The following SNPH variants were observed in gnomAD, a reference collection of about 807,000 sequenced individuals.
The protein encoded by SNPH is syntaphilin.
In SNPH, 10 loss-of-function variants were observed where a neutral mutation model predicts 36.8. The observed-to-expected ratio is 0.27, with a 90% CI of 0.17 to 0.46. SNPH has a LOEUF of 0.46. Among genes scored for constraint, SNPH ranks in the 20% least tolerant of loss-of-function variants. The pLI is 1.00. For missense variants in SNPH, 622 were observed against 744.0 expected (o/e 0.84, Z 1.91); for synonymous variants, 281 against 312.2 (o/e 0.90, Z 1.05).
In SNPH at chr20:1,307,429, A is replaced by G. The variant is rs570496810; in HGVS notation, c.*1375A>G. ...CCCCAGCCACGCTGCTGACATTACCATTATTATTTTACCAAGTAAACTCAC... is the reference window on the plus strand; with the variant it reads ...CCCCAGCCACGCTGCTGACATTACCGTTATTATTTTACCAAGTAAACTCAC... On this transcript the variant is annotated 3_prime_UTR_variant, in exon 7 of 7. Transcript: ENST00000381867. The G allele has an allele frequency of 6.6e-6, 1 of 152,284 alleles. No homozygotes were observed. The highest frequency in any genetic ancestry group is 1.5e-5 in the Non-Finnish European group (1 of 68,046). 9.4% of individuals were successfully genotyped at this position (152,284 alleles called of 1,614,324 possible).
intron 2 of SNPH, among the ~76,000 whole-genome samples, chr20:1,282,573 AAAACTGG>A (rs1412765057): frequency 6.6e-6 from 1 of 152,258 alleles, no homozygotes; most frequent in Non-Finnish European, 1.5e-5. Context: ...TTTGAGTAGC[AAAACTGG>A]AACTGGAAGG....
rs1225001630 is a variant in SNPH, at chr20:1,308,851, G to C, written c.*2797G>C. 1 of 152,292 alleles carries C rather than the reference G, an allele frequency of 6.6e-6. No homozygotes were observed. The highest frequency in any genetic ancestry group is 1.5e-5 in the Non-Finnish European group (1 of 68,094). 9.4% of individuals were successfully genotyped at this position (152,292 alleles called of 1,614,324 possible). A position where few individuals can be genotyped will look rare whatever the true frequency, so the allele number is the denominator to read the frequency against. ...CTAGCGGCCAGACGTGGCTTCTCCTGAGTTCTAGGGCTCGGGCCAGAGTGG... is the reference window on the plus strand; with the variant it reads ...CTAGCGGCCAGACGTGGCTTCTCCTCAGTTCTAGGGCTCGGGCCAGAGTGG... On this transcript the variant is annotated 3_prime_UTR_variant, in exon 7 of 7. Transcript: ENST00000381867.
In SNPH at chr20:1,297,219, C is replaced by G; in HGVS notation, c.257C>G (p.Ser86Cys). 6.2e-7 allele frequency: 1 copy of G among 1,613,888 alleles called. No individual in the cohort carries two copies. The highest frequency in any genetic ancestry group is 1.1e-5 in the South Asian group (1 of 91,060). ...CTCAGCAGCAGCAGCAATTCTGGCT[C>G]CTACAAGGGCAGTGACAGCAGTCCC... ...SSLSSSSNSGSYKGSDSSPTP... is the reference protein window; with the variant it reads ...SSLSSSSNSGCYKGSDSSPTP... The change falls in exon 5 of 7, where the codon TCC (serine) becomes TGC (cysteine). Residue 86 changes from serine (S) to cysteine (C), a missense_variant. By Grantham distance (112) the Ser-to-Cys change is moderately radical. Transcript: ENST00000381867.
chr20:1,294,985 A>C lies in SNPH; in HGVS notation c.-465+7A>C, dbSNP rs948392449. ...GAGGAGTCAATGGCATAATGTACGTAGCGTGGTTGGCACGAGGTCTGGTGT... is the reference window on the plus strand; with the variant it reads ...GAGGAGTCAATGGCATAATGTACGTCGCGTGGTTGGCACGAGGTCTGGTGT... On this transcript the variant is annotated splice_region_variant and intron_variant, in intron 3 of 6. Transcript: ENST00000381867. The surrounding 1 kb of genome is among the most constrained non-coding windows in gnomAD (Gnocchi z 4.4). 6.6e-6 allele frequency: 1 copy of C among 152,570 alleles called. No individual in the cohort carries two copies. The highest frequency in any genetic ancestry group is 2.4e-5 in the African/African-American group (1 of 41,362). The allele number at this position is 152,570 out of a possible 1,614,324, so 9.5% of individuals were successfully genotyped here.
At chr20:1,298,232 A>G (rs982060095) in intron 5 of SNPH, among the ~76,000 whole-genome samples, 1 of 152,210 alleles carries the variant, frequency 6.6e-6, no homozygotes, top group African/African-American at 2.4e-5. Context: ...GTGACTTGAT[A>G]TCTACACACC....
In SNPH at chr20:1,300,728, G is replaced by A. The variant is rs763785789; in HGVS notation, c.440+17G>A. 29 of 1,602,988 alleles carry A rather than the reference G, an allele frequency of 1.8e-5. No individual in the cohort carries two copies. The East Asian group carries it at 4.7e-4, about 26-fold the overall frequency. ...CCAGGACCGGTGAGCGGGTGGCCACGAGCAGCCCTGGGGGTACCCCACCAG... is the reference window on the plus strand; with the variant it reads ...CCAGGACCGGTGAGCGGGTGGCCACAAGCAGCCCTGGGGGTACCCCACCAG... On this transcript the variant is annotated intron_variant, in intron 6 of 6. Transcript: ENST00000381867.
Position 1,305,640 on chromosome 20 carries a change from G to T in SNPH, c.1203G>T (p.Gly401=), listed in dbSNP as rs752082424. The change falls in exon 7 of 7, where the codon GGG becomes GGT. Residue 401 remains glycine (G), a synonymous_variant. Coordinates refer to ENST00000381867, the MANE Select transcript of SNPH (RefSeq NM_001318234.2). The stretch of plus-strand genomic sequence containing the variant: ...CAGAGCTGGATGCCCACCCTTCAGG[G>T]CCCAGAGACCCCAACTCAGCAGTGG... ...RCPELDAHPS[G]PRDPNSAVVV... 1 of 1,613,434 alleles carries T rather than the reference G, an allele frequency of 6.2e-7. No individual in the cohort carries two copies. Among genetic ancestry groups the T allele is most frequent in the Non-Finnish European group, 8.5e-7 (1 of 1,179,980 alleles).
In SNPH at chr20:1,300,701, C is replaced by A. The variant is rs1272176057; in HGVS notation, c.430C>A (p.Leu144Ile). The A allele has an allele frequency of 6.2e-7, 1 of 1,611,150 alleles. No homozygotes were observed. The highest frequency in any genetic ancestry group is 8.5e-7 in the Non-Finnish European group (1 of 1,179,562). Reference sequence around the variant, plus strand: ...CCGGCTGAAGGACACACAGGACCGGCTCCAGGACCGGTGAGCGGGTGGCCA... The same window carrying A: ...CCGGCTGAAGGACACACAGGACCGGATCCAGGACCGGTGAGCGGGTGGCCA... ...KARLKDTQDRLQDRDTEIDDL... is the reference protein window; with the variant it reads ...KARLKDTQDRIQDRDTEIDDL... The change falls in exon 6 of 7, where the codon CTC (leucine) becomes ATC (isoleucine). Residue 144 changes from leucine to isoleucine, a missense_variant. Physicochemically the swap from Leu to Ile is conservative, Grantham distance 5. Transcript: ENST00000381867.
chr20:1,269,861 G>A (rs190506377), intron 2 of SNPH, among the ~76,000 whole-genome samples: 1 of 152,208 alleles, frequency 6.6e-6, no homozygotes, highest in South Asian at 2.1e-4. Flanking sequence ...ATCCCATTAT[G>A]TAGGCACTAT....
chr20:1,277,539 GTGTC>G (rs571311455), intron 2 of SNPH, among the ~76,000 whole-genome samples: 2,789 of 105,482 alleles, frequency 0.026, 51 homozygotes, highest in Non-Finnish European at 0.035. Flanking sequence ...CTGTGCATGT[GTGTC>G]TGTGTGTGTA....
intron 6 of SNPH, among the ~76,000 whole-genome samples, chr20:1,303,376 G>C (rs1381083440): frequency 2.6e-5 from 4 of 152,254 alleles, no homozygotes; most frequent in African/African-American, 9.6e-5. Flanking sequence ...CCCAAGGAGA[G>C]AGAGGCAGAG....
chr20:1,292,405 C>T (rs2088373727), intron 2 of SNPH, among the ~76,000 whole-genome samples: 1 of 152,208 alleles, frequency 6.6e-6, no homozygotes, highest in Non-Finnish European at 1.5e-5. Flanking sequence ...CTTAAGCACC[C>T]ACATCAAGAG....
intron 2 of SNPH, among the ~76,000 whole-genome samples, chr20:1,281,680 C>G (rs765450417): frequency 6.6e-6 from 1 of 152,246 alleles, no homozygotes; most frequent in Non-Finnish European, 1.5e-5. Flanking sequence ...GAGCTCTGCT[C>G]AAGGGCACCA....
intron 2 of SNPH, among the ~76,000 whole-genome samples, chr20:1,268,681 G>T (rs959363937): frequency 7.4e-6 from 1 of 135,834 alleles, no homozygotes; most frequent in Non-Finnish European, 1.5e-5. Context: ...TCCAGCCTCT[G>T]GCCCATGAGT....
At chr20:1,284,697 G>A (rs2088263745) in intron 2 of SNPH, among the ~76,000 whole-genome samples, 1 of 152,114 alleles carries the variant, frequency 6.6e-6, no homozygotes. Context: ...AACAGCATGT[G>A]CAGAGGCCCT....
intron 6 of SNPH, among the ~76,000 whole-genome samples, chr20:1,301,422 C>T (rs1568550390): frequency 6.6e-6 from 1 of 152,184 alleles, no homozygotes; most frequent in Non-Finnish European, 1.5e-5. Context: ...TGCAAACATG[C>T]AGCCTATTGT....
rs150545078 is a variant in SNPH, at chr20:1,305,385, C to T, written c.948C>T (p.Thr316=). The T allele has an allele frequency of 7.4e-6, 12 of 1,612,862 alleles. No individual in the cohort carries two copies. Among genetic ancestry groups the T allele is most frequent in the African/African-American group, 1.3e-5 (1 of 75,072 alleles). ...TGTCGTCGGGGGTGGACTGTGGCAC[C>T]GAGGAGACCTCGCTGCACAGCTCCT... The part of the protein sequence containing the change: ...SLLSSGVDCG[T]EETSLHSSFG... The change falls in exon 7 of 7, where the codon ACC becomes ACT. Residue 316 remains threonine, a synonymous_variant. Coordinates refer to ENST00000381867, the MANE Select transcript of SNPH (RefSeq NM_001318234.2).
At chr20:1,281,235 C>T (rs186178596) in intron 2 of SNPH, among the ~76,000 whole-genome samples, 3 of 152,286 alleles carry the variant, frequency 2.0e-5, no homozygotes, top group African/African-American at 7.2e-5. Context: ...ACTTCTGTCA[C>T]CTCCTCACCT....
chr20:1,280,751 A>G (rs2088207886), intron 2 of SNPH, among the ~76,000 whole-genome samples: 1 of 152,146 alleles, frequency 6.6e-6, no homozygotes, highest in South Asian at 2.1e-4. Flanking sequence ...TCCTGGATTG[A>G]TGGAATGGGG....
Sources: allele counts gnomAD v4.1 joint callset (sites outside exome capture counted in the v4.1 genomes callset), GRCh38; gene constraint gnomAD v4.1.1; non-coding constraint Gnocchi (gnomAD v3.1); transcripts MANE v1.5; gene names NCBI Gene and HGNC (gene_info 2026-07-23, HGNC 2026-07-21).